TUBD1: variants seen among roughly 807,000 people sequenced by gnomAD.
TUBD1 encodes tubulin delta 1, also known as tubulin delta chain.
A neutral mutation model predicts 51.2 loss-of-function variants in TUBD1; 38 were observed. The observed-to-expected ratio is 0.74, with a 90% confidence interval of 0.57 to 0.97. The LOEUF (loss-of-function observed/expected upper bound fraction) is 0.97. Among genes scored for constraint, TUBD1 ranks in the 50% least tolerant of loss-of-function variants. The pLI, the probability that TUBD1 is intolerant of heterozygous loss-of-function variation, is 0.00. For synonymous variants in TUBD1, 169 were observed against 178.2 expected (o/e 0.95, Z 0.41); for missense variants, 489 against 538.4 (o/e 0.91, Z 0.91).
At chr17:59,892,153 G>A (rs1301167081) in intron 1 of TUBD1, among the ~76,000 whole-genome samples, 1 of 152,190 alleles carries the variant, frequency 6.6e-6, no homozygotes, top group Admixed American at 6.5e-5. Flanking sequence ...TTCTCCACTA[G>A]TCTAGCCTGG....
chr17:59,874,414 G>T, intron 6 of TUBD1, 125 bp downstream of exon 6: 1 of 850,508 alleles, frequency 1.2e-6, no homozygotes, highest in East Asian at 2.7e-5. Context: ...GTGAGTTTCT[G>T]CCGGAGTCTC....
chr17:59,887,910 T>TGA (rs955433868), intron 2 of TUBD1, among the ~76,000 whole-genome samples: 1 of 151,730 alleles, frequency 6.6e-6, no homozygotes, highest in African/African-American at 2.4e-5. Flanking sequence ...GGAATTACAG[T>TGA]GAGACACTGT....
chr17:59,889,028 T>TC (rs2040862743), intron 2 of TUBD1, among the ~76,000 whole-genome samples: 1 of 142,998 alleles, frequency 7.0e-6, no homozygotes, highest in Non-Finnish European at 1.5e-5. Flanking sequence ...TTTTTTTTTT[T>TC]TTTTTGAGAC....
chr17:59,865,959 A>C (rs1442733558), intron 7 of TUBD1, among the ~76,000 whole-genome samples: 1 of 151,806 alleles, frequency 6.6e-6, no homozygotes. Flanking sequence ...AAAAATACAA[A>C]AATTAGCCAA....
At position 59,886,121 on chromosome 17, in the gene TUBD1, GAA is replaced by G. The variant is rs747286469; in HGVS notation, c.280_281del (p.Phe94LeufsTer22). 6.2e-7 allele frequency: 1 copy of G among 1,613,994 alleles called. No individual in the cohort carries two copies. The highest frequency in any genetic ancestry group is 8.5e-7 in the Non-Finnish European group (1 of 1,180,014). ...TGTTTCCAGAACCTTGTTTTTGACA[GAA>G]GCATGCATGTTGACCATATTTCCAT... ...GQWKYGQHAC[F>X]CQKQGSGNNW... On this transcript the variant is annotated frameshift_variant, in exon 3 of 9. Transcript: ENST00000325752. LOFTEE classifies it high-confidence loss of function.
chr17:59,873,233 TTAC>T (rs1215178245), intron 6 of TUBD1, among the ~76,000 whole-genome samples: 1 of 140,144 alleles, frequency 7.1e-6, no homozygotes, highest in Non-Finnish European at 1.5e-5. Flanking sequence ...ATACCAGACA[TTAC>T]TTAAGTTGTT....
intron 1 of TUBD1, 100 bp from the exon 2 acceptor site, chr17:59,891,141 TC>T (rs1345877501): frequency 2.0e-5 from 13 of 663,208 alleles, no homozygotes; most frequent in East Asian, 6.1e-5. Context: ...AAGTCTTTTT[TC>T]CCCCCTGAGA....
At chr17:59,882,363 A>G (rs990653927) in intron 3 of TUBD1, among the ~76,000 whole-genome samples, 3 of 151,770 alleles carry the variant, frequency 2.0e-5, no homozygotes, top group Non-Finnish European at 4.4e-5. Context: ...AGCTCACTAA[A>G]ACTACCTCCG....
chr17:59,870,358 G>T (rs2039919903), intron 6 of TUBD1, among the ~76,000 whole-genome samples: 1 of 109,710 alleles, frequency 9.1e-6, no homozygotes, highest in Non-Finnish European at 1.7e-5. Flanking sequence ...GCGACAGAGT[G>T]TGACTCCATC....
chr17:59,878,443 A>T, intron 4 of TUBD1, 109 bp from the exon 5 acceptor site: 1 of 728,078 alleles, frequency 1.4e-6, no homozygotes, highest in Non-Finnish European at 2.3e-6. Context: ...GTCACTTTCT[A>T]GCCGTATGAC....
intron 5 of TUBD1, among the ~76,000 whole-genome samples, chr17:59,876,319 T>C (rs937660410): frequency 2.0e-4 from 30 of 151,602 alleles, no homozygotes; most frequent in African/African-American, 7.3e-4. Flanking sequence ...GCTGAGATTA[T>C]AGGTGCACAC....
At chr17:59,872,238 C>G (rs1054142041) in intron 6 of TUBD1, among the ~76,000 whole-genome samples, 1 of 152,066 alleles carries the variant, frequency 6.6e-6, no homozygotes, top group African/African-American at 2.4e-5. Flanking sequence ...AGGCGTGAGC[C>G]ACCCTGCCGG....
chr17:59,880,481 T>C (rs9905543), intron 4 of TUBD1, among the ~76,000 whole-genome samples: 41,365 of 151,952 alleles, frequency 0.27, 5,768 homozygotes, highest in Middle Eastern at 0.41. Context: ...AACTTAACAT[T>C]TCCAATGAAA....
chr17:59,880,782 G>A, intron 4 of TUBD1, 112 bp downstream of exon 4: 1 of 996,622 alleles, frequency 1.0e-6, no homozygotes. Flanking sequence ...CCAAAGTGCT[G>A]GGATTACAGG....
chr17:59,864,926 T>C (rs1568279811), intron 7 of TUBD1, among the ~76,000 whole-genome samples: 1 of 151,800 alleles, frequency 6.6e-6, no homozygotes, highest in Non-Finnish European at 1.5e-5. Context: ...CCACCATCAT[T>C]GGTCACTGCA....
chr17:59,873,531 A>G (rs1026406075), intron 6 of TUBD1, among the ~76,000 whole-genome samples: 2 of 152,132 alleles, frequency 1.3e-5, no homozygotes, highest in African/African-American at 4.8e-5. Flanking sequence ...GATTATAGGT[A>G]TGAGCCACCA....
intron 3 of TUBD1, among the ~76,000 whole-genome samples, chr17:59,881,581 T>C (rs1435318263): frequency 6.6e-6 from 1 of 152,192 alleles, no homozygotes; most frequent in Non-Finnish European, 1.5e-5. Flanking sequence ...GATATGTGTA[T>C]ACATGTGTAA....
At chr17:59,890,520 G>A (rs1439948245) in intron 2 of TUBD1, among the ~76,000 whole-genome samples, 1 of 152,196 alleles carries the variant, frequency 6.6e-6, no homozygotes, top group Non-Finnish European at 1.5e-5. Flanking sequence ...GGGATTACAG[G>A]CGTGAGCCAC....
intron 5 of TUBD1, among the ~76,000 whole-genome samples, chr17:59,877,548 G>A (rs906663705): frequency 2.0e-5 from 3 of 152,260 alleles, no homozygotes; most frequent in African/African-American, 7.2e-5. Context: ...TTGGAAGGCC[G>A]AGGCGGGTGG....
Sources: allele counts gnomAD v4.1 joint callset (sites outside exome capture counted in the v4.1 genomes callset), GRCh38; gene constraint gnomAD v4.1.1; transcripts MANE v1.5; gene names NCBI Gene and HGNC (gene_info 2026-07-23, HGNC 2026-07-21).